FLRT1: variants seen among roughly 807,000 people sequenced by gnomAD.
The protein encoded by FLRT1 is fibronectin leucine rich transmembrane protein 1.
In FLRT1, 14 loss-of-function variants were observed where a neutral mutation model predicts 30.9. The ratio of observed to expected loss-of-function variants is 0.45; its 90% CI spans 0.30 to 0.71. The LOEUF is 0.71. Among genes scored for constraint, FLRT1 ranks in the 30% least tolerant of loss-of-function variants. FLRT1 has a pLI of 0.08. For missense variants in FLRT1, 737 were observed against 949.2 expected (o/e 0.78, Z 2.94); for synonymous variants, 368 against 430.4 (o/e 0.85, Z 1.80).
intron 1 of FLRT1, among the ~76,000 whole-genome samples, chr11:64,073,952 C>G (rs1435908483): frequency 6.6e-6 from 1 of 152,074 alleles, no homozygotes; most frequent in Non-Finnish European, 1.5e-5. Flanking sequence ...GGCTGGGGCC[C>G]TGAGCCCCCA....
Position 64,067,713 on chromosome 11 carries a change from G to A in FLRT1, c.-1038+31554G>A, listed in dbSNP as rs528166673. The stretch of plus-strand genomic sequence containing the variant: ...CCCTGCCTGCAGTGATTGCGGACAC[G>A]CCCCTCGCGAGGCACCGCAGGCTGC... On this transcript the variant is annotated intron_variant, in intron 1 of 2. Coordinates refer to ENST00000682287, the MANE Select transcript of FLRT1 (RefSeq NM_013280.5). The surrounding 1 kb of genome is among the most constrained non-coding windows in gnomAD (Gnocchi z 4.6). Among the ~76,000 whole-genome samples, 10 of 152,300 alleles carry A rather than the reference G, an allele frequency of 6.6e-5. No homozygotes were observed. The highest frequency in any genetic ancestry group is 5.2e-4 in the Admixed American group (8 of 15,302).
intron 1 of FLRT1, among the ~76,000 whole-genome samples, chr11:64,048,818 C>T (rs1367060480): frequency 6.6e-6 from 1 of 152,204 alleles, no homozygotes; most frequent in East Asian, 1.9e-4. Flanking sequence ...GGGCTGCTAT[C>T]CCCACCAAGC....
chr11:64,070,653 C>A (rs1944091654), intron 1 of FLRT1, among the ~76,000 whole-genome samples: 1 of 152,172 alleles, frequency 6.6e-6, no homozygotes, highest in Non-Finnish European at 1.5e-5. Flanking sequence ...GCTGGGGCCT[C>A]AGGGGCCTCC....
chr11:64,063,004 C>A (rs1227874203), intron 1 of FLRT1, among the ~76,000 whole-genome samples: 1 of 152,374 alleles, frequency 6.6e-6, no homozygotes, highest in Non-Finnish European at 1.5e-5. Context: ...CCCGGCCCAT[C>A]TTCCGAGCTG....
chr11:64,062,613 G>GCA (rs1943925605), intron 1 of FLRT1, among the ~76,000 whole-genome samples: 8 of 148,478 alleles, frequency 5.4e-5, no homozygotes, highest in Non-Finnish European at 7.4e-5. Context: ...TGGGCGCTGG[G>GCA]GATGGAGCAG....
rs1228653996 is a variant in FLRT1 at position 64,116,682 on chromosome 11, G to A, written c.415G>A (p.Val139Met). 1 of 1,613,884 alleles carries A rather than the reference G, an allele frequency of 6.2e-7. No homozygotes were observed. Among genetic ancestry groups the A allele is most frequent in the Non-Finnish European group, 8.5e-7 (1 of 1,179,998 alleles). Residue 139 changes from valine to methionine, a missense_variant, in exon 3 of 3, where the codon GTG (valine) becomes ATG (methionine). Physicochemically the swap from Val to Met is conservative, Grantham distance 21. Coordinates refer to ENST00000682287, the MANE Select transcript of FLRT1 (RefSeq NM_013280.5). Reference sequence around the variant, plus strand: ...GGAGCTGCACCTGCAGGACAACAATGTGCGCACCATTGCCAGGGACTCGCT... The same window carrying A: ...GGAGCTGCACCTGCAGGACAACAATATGCGCACCATTGCCAGGGACTCGCT... ...LRELHLQDNNVRTIARDSLAR... is the reference protein window; with the variant it reads ...LRELHLQDNNMRTIARDSLAR...
chr11:64,074,520 C>T (rs1478375448), intron 1 of FLRT1, among the ~76,000 whole-genome samples: 1 of 152,224 alleles, frequency 6.6e-6, no homozygotes. Flanking sequence ...AGTTTCTGGC[C>T]TAAGGTCACG....
chr11:64,060,937 CGCGGCG>C (rs544654619), intron 1 of FLRT1, among the ~76,000 whole-genome samples: 1 of 151,322 alleles, frequency 6.6e-6, no homozygotes, highest in African/African-American at 2.4e-5. Context: ...GCATGCGCAC[CGCGGCG>C]GCGGCGGCGG....
At chr11:64,093,402 G>A (rs937207039) in intron 1 of FLRT1, among the ~76,000 whole-genome samples, 3 of 152,236 alleles carry the variant, frequency 2.0e-5, no homozygotes, top group Non-Finnish European at 2.9e-5. Context: ...GAGGGCAAGG[G>A]CTGAGTGAGC....
At chr11:64,074,218 C>T (rs1166214015) in intron 1 of FLRT1, among the ~76,000 whole-genome samples, 1 of 152,232 alleles carries the variant, frequency 6.6e-6, no homozygotes, top group Non-Finnish European at 1.5e-5. Flanking sequence ...AGGGCTTCCC[C>T]CAAGGCCCCA....
intron 1 of FLRT1, among the ~76,000 whole-genome samples, chr11:64,053,059 G>C (rs1439061108): frequency 1.3e-5 from 2 of 152,192 alleles, no homozygotes; most frequent in African/African-American, 4.8e-5. Flanking sequence ...TGCAGCCTCC[G>C]AATGTGGGGC....
At chr11:64,087,712 C>T (rs1944419130) in intron 1 of FLRT1, among the ~76,000 whole-genome samples, 1 of 152,232 alleles carries the variant, frequency 6.6e-6, no homozygotes, top group African/African-American at 2.4e-5. Flanking sequence ...GCATGCTTGG[C>T]CTGGTCCTTG....
Position 64,117,601 on chromosome 11 carries a change from C to T in FLRT1, c.1334C>T (p.Ala445Val), listed in dbSNP as rs377444528. 3 of 1,613,510 alleles carry T rather than the reference C, an allele frequency of 1.9e-6. No homozygotes were observed. The African/African-American group carries it at 4.0e-5, about 22-fold the overall frequency. ...GAKTLAIHVK[A>V]LTADSIRITW... ...AAGACCCTGGCCATCCACGTGAAGGCCCTGACGGCAGACTCCATCCGCATC... is the reference window on the plus strand; with the variant it reads ...AAGACCCTGGCCATCCACGTGAAGGTCCTGACGGCAGACTCCATCCGCATC... The change falls in exon 3 of 3, where the codon GCC (alanine) becomes GTC (valine). Residue 445 changes from alanine (A) to valine (V), a missense_variant. Physicochemically the swap from Ala to Val is moderately conservative, Grantham distance 64 (BLOSUM62 0). Coordinates refer to ENST00000682287, the MANE Select transcript of FLRT1 (RefSeq NM_013280.5).
chr11:64,097,217 T>C (rs1944592612), intron 1 of FLRT1, among the ~76,000 whole-genome samples: 1 of 152,068 alleles, frequency 6.6e-6, no homozygotes, highest in African/African-American at 2.4e-5. Context: ...CCCCAGAAAG[T>C]ACAGGGAGGG....
intron 1 of FLRT1, among the ~76,000 whole-genome samples, chr11:64,069,375 C>G (rs572800304): frequency 6.6e-6 from 1 of 152,218 alleles, no homozygotes; most frequent in South Asian, 2.1e-4. Flanking sequence ...CTCTCTCTGG[C>G]CCAAAGCCCC....
Position 64,090,531 on chromosome 11 carries a change from G to A in FLRT1, c.-1037-12663G>A, listed in dbSNP as rs944346736. ...TGCTTCCCCGGGCCCTCCCTCGACC[G>A]GCTCTGCCTGCTCACAGGTGGCTGG... On this transcript the variant is annotated intron_variant, in intron 1 of 2. Coordinates refer to ENST00000682287, the MANE Select transcript of FLRT1 (RefSeq NM_013280.5). The surrounding 1 kb of genome is among the most constrained non-coding windows in gnomAD (Gnocchi z 4.7). 6.6e-6 allele frequency among the ~76,000 whole-genome samples: 1 copy of A among 152,136 alleles called. No individual in the cohort carries two copies. The highest frequency in any genetic ancestry group is 1.5e-5 in the Non-Finnish European group (1 of 68,018).
intron 1 of FLRT1, among the ~76,000 whole-genome samples, chr11:64,102,779 C>A (rs1297331395): frequency 6.6e-6 from 1 of 152,222 alleles, no homozygotes; most frequent in East Asian, 1.9e-4. Context: ...AGAAAAAAAA[C>A]AGGATCCAGG....
In FLRT1 at chr11:64,067,906, T is replaced by C. The variant is rs1315136299; in HGVS notation, c.-1038+31747T>C. Among the ~76,000 whole-genome samples, 2 of 151,900 alleles carry C rather than the reference T, an allele frequency of 1.3e-5. No homozygotes were observed. The highest frequency in any genetic ancestry group is 3.9e-4 in the East Asian group (2 of 5,166). Reference sequence around the variant, plus strand: ...CATTTAGCCAGCGGTTCGCTCGGCTTTTAGGAGGGGGCTGGCGGTGAACCC... The same window carrying C: ...CATTTAGCCAGCGGTTCGCTCGGCTCTTAGGAGGGGGCTGGCGGTGAACCC... On this transcript the variant is annotated intron_variant, in intron 1 of 2. Transcript: ENST00000682287. This position sits in a 1 kb window ranked among gnomAD's most constrained non-coding sequence, Gnocchi z 4.6.
At position 64,116,345 on chromosome 11, in the gene FLRT1, G is replaced by A. The variant is rs763842786; in HGVS notation, c.78G>A (p.Thr26=). The change falls in exon 3 of 3, where the codon ACG becomes ACA. Residue 26 remains threonine, a synonymous_variant. Transcript: ENST00000682287. The stretch of plus-strand genomic sequence containing the variant: ...TCACGGCCACCGTTGTGATGACCAC[G>A]GCCACCATGGACCTGCGGGACTGGC... The part of the protein sequence containing the change: ...ATVTATVVMT[T]ATMDLRDWLF... 17 of 1,612,158 alleles carry A rather than the reference G, an allele frequency of 1.1e-5. No individual in the cohort carries two copies. The highest frequency in any genetic ancestry group is 4.0e-5 in the African/African-American group (3 of 74,892).
Sources: gnomAD v4.1 joint callset for allele counts (sites outside exome capture counted in the v4.1 genomes callset) on GRCh38, gnomAD v4.1.1 for gene constraint, Gnocchi (gnomAD v3.1) non-coding constraint, MANE v1.5 for transcripts, NCBI Gene and HGNC (gene_info 2026-07-23, HGNC 2026-07-21) for gene names.